Variants in EYS observed in about 807,000 individuals in gnomAD.
EYS encodes protein eyes shut homolog.
EYS carries 250 observed loss-of-function variants against 282.1 expected under a neutral mutation model. The ratio of observed to expected loss-of-function variants is 0.89; its 90% CI spans 0.80 to 0.98. The LOEUF (loss-of-function observed/expected upper bound fraction) is 0.98, where lower values mean the gene tolerates loss of function less well. Ranked by LOEUF, EYS falls within the 50% of genes least tolerant of loss-of-function variation. The probability of loss-of-function intolerance (pLI) is 0.00; values close to 1 mark genes in which losing one functional copy is unlikely to be tolerated. For synonymous variants in EYS, 1,355 were observed against 1,282.9 expected, an observed-to-expected ratio of 1.06 and a Z score of -1.20; for missense variants, 4,016 against 3,709.0, an observed-to-expected ratio of 1.08 and a Z score of -2.15.
At chr6:65,017,964 C>T (rs1772108205) in intron 13 of EYS, among the ~76,000 whole-genome samples, 1 of 152,182 alleles carries the variant, frequency 6.6e-6, no homozygotes, top group Non-Finnish European at 1.5e-5. Flanking sequence ...TAACAAAGTG[C>T]TCCCAAATTC....
At chr6:63,754,527 C>A (rs1769426755) in intron 41 of EYS, among the ~76,000 whole-genome samples, 2 of 152,072 alleles carry the variant, frequency 1.3e-5, no homozygotes, top group Admixed American at 1.3e-4. Flanking sequence ...TGAACTCATC[C>A]TTTTTATGGC....
chr6:65,316,802 C>A (rs187422440), intron 11 of EYS, among the ~76,000 whole-genome samples: 1 of 152,174 alleles, frequency 6.6e-6, no homozygotes, highest in Non-Finnish European at 1.5e-5. Flanking sequence ...CTGCAAAGGA[C>A]ACGAACTCAT....
chr6:64,900,624 GA>G (rs1767624895), intron 18 of EYS, among the ~76,000 whole-genome samples: 1 of 152,052 alleles, frequency 6.6e-6, no homozygotes. Context: ...ACAAATATAT[GA>G]AAAAAAGCTC....
intron 31 of EYS, among the ~76,000 whole-genome samples, chr6:64,094,749 C>T (rs193093681): frequency 0.019 from 2,834 of 152,092 alleles, 82 homozygotes; most frequent in African/African-American, 0.064. Context: ...GTGTCTCTCT[C>T]TCCTTCAGTT....
intron 24 of EYS, among the ~76,000 whole-genome samples, chr6:64,608,214 ATTT>A (rs1395417869): frequency 6.6e-6 from 1 of 152,080 alleles, no homozygotes; most frequent in Non-Finnish European, 1.5e-5. Context: ...AATCAACAAA[ATTT>A]TATTTAGAAT....
At chr6:64,473,283 G>C (rs1350321252) in intron 26 of EYS, among the ~76,000 whole-genome samples, 5 of 152,142 alleles carry the variant, frequency 3.3e-5, no homozygotes, top group Non-Finnish European at 7.4e-5. Flanking sequence ...AGGTTAAAGA[G>C]TATAGCAAAT....
At chr6:64,872,443 A>G (rs1008561425) in intron 19 of EYS, among the ~76,000 whole-genome samples, 4 of 152,006 alleles carry the variant, frequency 2.6e-5, no homozygotes, top group Non-Finnish European at 5.9e-5. Context: ...CTATCTTCTG[A>G]TGATAGAAAA....
rs1268016150 is a variant in EYS, at chr6:64,902,259, T to C, written c.2739-39A>G. ...AATTTAGTAACTCCATTAGTATATA[T>C]GTATAAAATCAATGCTTCAACTAAT... On this transcript the variant is annotated intron_variant, in intron 17 of 42. Transcript: ENST00000503581. The C allele has an allele frequency of 1.3e-5, 18 of 1,424,952 alleles. No homozygotes were observed. The Admixed American group carries it at 2.0e-4, about 16-fold the overall frequency. 88.3% of individuals were successfully genotyped at this position (1,424,952 alleles called of 1,614,324 possible).
rs1767694314 is a variant in EYS, at chr6:64,902,371, C to T, written c.2738+33G>A. 6.5e-6 allele frequency: 9 copies of T among 1,382,082 alleles called. No homozygotes were observed. The East Asian group carries it at 1.3e-4, about 19-fold the overall frequency. The allele number at this position is 1,382,082 out of a possible 1,614,324, so 85.6% of individuals were successfully genotyped here. On this transcript the variant is annotated intron_variant, in intron 17 of 42. Transcript: ENST00000503581. ...ACCTGTATACATCTAGACACATAAA[C>T]ATGTATCTAGATACTTTTTAAGTTT...
intron 41 of EYS, among the ~76,000 whole-genome samples, chr6:63,760,682 ATCTATCT>A (rs1769614504): frequency 6.6e-6 from 1 of 151,118 alleles, no homozygotes; most frequent in Non-Finnish European, 1.5e-5. Flanking sequence ...CTATCTATCT[ATCTATCT>A]ATCTATCTAT....
intron 14 of EYS, among the ~76,000 whole-genome samples, chr6:64,979,778 C>T (rs1770590137): frequency 6.6e-6 from 1 of 151,398 alleles, no homozygotes; most frequent in Non-Finnish European, 1.5e-5. Context: ...AGTGTTTAAG[C>T]AATATAGTCT....
At chr6:64,125,109 C>T (rs1160398371) in intron 31 of EYS, among the ~76,000 whole-genome samples, 1 of 150,906 alleles carries the variant, frequency 6.6e-6, no homozygotes, top group South Asian at 2.1e-4. Flanking sequence ...ATCCTGACTC[C>T]CATTTTTTTT....
At chr6:63,803,585 A>G (rs1770831089) in intron 37 of EYS, among the ~76,000 whole-genome samples, 1 of 152,208 alleles carries the variant, frequency 6.6e-6, no homozygotes, top group African/African-American at 2.4e-5. Flanking sequence ...GGAAATACTA[A>G]TAGAGGACAT....
At chr6:64,664,060 G>T (rs931704841) in intron 22 of EYS, among the ~76,000 whole-genome samples, 2 of 152,214 alleles carry the variant, frequency 1.3e-5, no homozygotes, top group Non-Finnish European at 1.5e-5. Context: ...GAAGTAAGCG[G>T]CAGGTCTGCA....
chr6:64,676,539 A>G (rs1769691626), intron 22 of EYS, among the ~76,000 whole-genome samples: 1 of 152,128 alleles, frequency 6.6e-6, no homozygotes, highest in Non-Finnish European at 1.5e-5. Context: ...AAATAGTGCA[A>G]TACATACCAG....
At chr6:65,397,527 C>A (rs1238737797) in intron 7 of EYS, among the ~76,000 whole-genome samples, 1 of 151,478 alleles carries the variant, frequency 6.6e-6, no homozygotes. Context: ...CCAGTTCCAT[C>A]CGTGCTACTG....
intron 31 of EYS, among the ~76,000 whole-genome samples, chr6:64,151,300 CGT>C (rs375311887): frequency 0.031 from 3,074 of 99,224 alleles, 241 homozygotes; most frequent in African/African-American, 0.12. Context: ...TGTTTTCACA[CGT>C]GTGTGTGTGT....
chr6:64,645,527 A>G (rs370786538), intron 22 of EYS, among the ~76,000 whole-genome samples: 18 of 152,342 alleles, frequency 1.2e-4, no homozygotes, highest in African/African-American at 3.8e-4. Context: ...AGTTCTTGAC[A>G]TCAGACGGCG....
At chr6:64,041,288 G>A (rs192108493) in intron 33 of EYS, among the ~76,000 whole-genome samples, 10 of 152,104 alleles carry the variant, frequency 6.6e-5, no homozygotes, top group South Asian at 2.1e-4. Context: ...TCCCTTAAAC[G>A]TAGAACTAAA....
Sources: allele counts gnomAD v4.1 joint callset (sites outside exome capture counted in the v4.1 genomes callset), GRCh38; gene constraint gnomAD v4.1.1; transcripts MANE v1.5; gene names NCBI Gene and HGNC (gene_info 2026-07-23, HGNC 2026-07-21).